Variants in NRG3 observed in about 807,000 individuals in gnomAD.
NRG3 encodes pro-neuregulin-3, membrane-bound isoform.
In NRG3, 31 loss-of-function variants were observed where a neutral mutation model predicts 66.9. The observed-to-expected ratio is 0.46, with a 90% CI of 0.35 to 0.63. NRG3 has a LOEUF of 0.63. Among genes scored for constraint, NRG3 ranks in the 20% least tolerant of loss-of-function variants. The pLI, the probability that NRG3 is intolerant of heterozygous loss-of-function variation, is 0.00. For synonymous variants in NRG3, 393 were observed against 359.4 expected, an observed-to-expected ratio of 1.09 and a Z score of -1.06; for missense variants, 910 against 878.9, an observed-to-expected ratio of 1.04 and a Z score of -0.45.
At chr10:82,221,565 G>C (rs1346190470) in intron 1 of NRG3, among the ~76,000 whole-genome samples, 1 of 152,064 alleles carries the variant, frequency 6.6e-6, no homozygotes, top group Non-Finnish European at 1.5e-5. Context: ...TCCACATAAT[G>C]CTCATCAAAG....
At chr10:82,186,414 C>T (rs1199676019) in intron 1 of NRG3, among the ~76,000 whole-genome samples, 1 of 152,160 alleles carries the variant, frequency 6.6e-6, no homozygotes, top group Non-Finnish European at 1.5e-5. Flanking sequence ...GAGCAAGCTG[C>T]CCTTACAGGC....
intron 2 of NRG3, among the ~76,000 whole-genome samples, chr10:82,645,111 T>C (rs1205580034): frequency 1.3e-5 from 2 of 152,176 alleles, no homozygotes; most frequent in African/African-American, 4.8e-5. Context: ...TCTTTTTTCT[T>C]CTAAACATCT....
chr10:82,364,149 T>A (rs1033396378), intron 2 of NRG3, among the ~76,000 whole-genome samples: 1 of 152,176 alleles, frequency 6.6e-6, no homozygotes, highest in Non-Finnish European at 1.5e-5. Context: ...TTAAGAAATA[T>A]AGATAGTGTC....
At chr10:82,222,774 C>T (rs1249618921) in intron 1 of NRG3, among the ~76,000 whole-genome samples, 1 of 152,150 alleles carries the variant, frequency 6.6e-6, no homozygotes, top group East Asian at 1.9e-4. Flanking sequence ...TTAAGTTGGT[C>T]TTCCAAATTG....
intron 4 of NRG3, among the ~76,000 whole-genome samples, 168 bp downstream of exon 4, chr10:82,865,605 A>C (rs946811176): frequency 6.6e-6 from 1 of 152,196 alleles, no homozygotes; most frequent in Non-Finnish European, 1.5e-5. Flanking sequence ...GCTCAAAATG[A>C]AATAATTAAC....
chr10:82,294,111 CAAAAAG>C (rs1214995009), intron 1 of NRG3, among the ~76,000 whole-genome samples: 1 of 152,048 alleles, frequency 6.6e-6, no homozygotes, highest in Non-Finnish European at 1.5e-5. Context: ...GGGATTTACT[CAAAAAG>C]AGAAAGAGCA....
intron 2 of NRG3, among the ~76,000 whole-genome samples, chr10:82,562,514 CTG>C (rs933055343): frequency 6.6e-6 from 1 of 152,120 alleles, no homozygotes; most frequent in African/African-American, 2.4e-5. Context: ...AGACAAAAAA[CTG>C]AGAAAGTTTG....
At chr10:82,427,747 T>A (rs1269034152) in intron 2 of NRG3, among the ~76,000 whole-genome samples, 1 of 152,148 alleles carries the variant, frequency 6.6e-6, no homozygotes, top group Non-Finnish European at 1.5e-5. Context: ...TGATTCTTCC[T>A]CTTCCTTTAT....
intron 1 of NRG3, among the ~76,000 whole-genome samples, chr10:82,347,515 G>A (rs1166008291): frequency 6.6e-6 from 1 of 151,006 alleles, no homozygotes; most frequent in African/African-American, 2.4e-5. Context: ...AATAGGTGTG[G>A]TGTGGTGCTG....
At chr10:82,571,532 T>C (rs1565082932) in intron 2 of NRG3, among the ~76,000 whole-genome samples, 1 of 151,670 alleles carries the variant, frequency 6.6e-6, no homozygotes, top group Non-Finnish European at 1.5e-5. Context: ...TTATCAGCCA[T>C]ACTACTGTTG....
At chr10:82,699,574 G>A (rs1312418551) in intron 2 of NRG3, among the ~76,000 whole-genome samples, 1 of 151,680 alleles carries the variant, frequency 6.6e-6, no homozygotes, top group Non-Finnish European at 1.5e-5. Flanking sequence ...ACTTGAAAAT[G>A]TGCCCTTTAT....
At chr10:81,893,135 A>T (rs529770625) in intron 1 of NRG3, among the ~76,000 whole-genome samples, 1 of 152,212 alleles carries the variant, frequency 6.6e-6, no homozygotes, top group East Asian at 1.9e-4. Flanking sequence ...GTAAAAGTCA[A>T]GTGTAGTTCT....
intron 2 of NRG3, among the ~76,000 whole-genome samples, chr10:82,507,876 A>T (rs1228327349): frequency 1.3e-5 from 2 of 152,232 alleles, no homozygotes; most frequent in African/African-American, 4.8e-5. Context: ...GCAGACAGAA[A>T]AAATAAAATA....
At chr10:82,518,128 A>T (rs1373938938) in intron 2 of NRG3, among the ~76,000 whole-genome samples, 1 of 152,170 alleles carries the variant, frequency 6.6e-6, no homozygotes, top group Non-Finnish European at 1.5e-5. Flanking sequence ...TAGCCTGTAA[A>T]ATCAGTGGAG....
At chr10:82,177,554 T>C (rs1392631995) in intron 1 of NRG3, among the ~76,000 whole-genome samples, 2 of 152,264 alleles carry the variant, frequency 1.3e-5, no homozygotes, top group Admixed American at 6.5e-5. Flanking sequence ...CTAAAAACTT[T>C]CAAGCCTAGA....
At chr10:81,998,446 C>A (rs1327546140) in intron 1 of NRG3, among the ~76,000 whole-genome samples, 1 of 152,130 alleles carries the variant, frequency 6.6e-6, no homozygotes, top group African/African-American at 2.4e-5. Context: ...GTCTTCATGT[C>A]CTCAATTCTC....
chr10:82,421,825 CT>C (rs5786551), intron 2 of NRG3, among the ~76,000 whole-genome samples: 33,916 of 151,716 alleles, frequency 0.22, 5,722 homozygotes, highest in African/African-American at 0.47. Flanking sequence ...AAAAGGACCC[CT>C]TTCTCTCTTT....
Position 82,793,465 on chromosome 10 carries a change from C to T in NRG3, c.1027+54815C>T, listed in dbSNP as rs572804131. 3.4e-4 allele frequency among the ~76,000 whole-genome samples: 52 copies of T among 152,238 alleles called. 1 individual carries two copies. In the South Asian group the frequency reaches 0.011, roughly 31 times the overall value. ...AGTCTCTGGCTGTCATCTCCCTAGGCCTGCAGCTACCAGGAACTAGAAATC... is the reference window on the plus strand; with the variant it reads ...AGTCTCTGGCTGTCATCTCCCTAGGTCTGCAGCTACCAGGAACTAGAAATC... On this transcript the variant is annotated intron_variant, in intron 3 of 8. Coordinates refer to ENST00000372141, the MANE Select transcript of NRG3 (RefSeq NM_001010848.4).
At chr10:82,127,003 A>G (rs917139793) in intron 1 of NRG3, among the ~76,000 whole-genome samples, 1 of 152,206 alleles carries the variant, frequency 6.6e-6, no homozygotes, top group East Asian at 1.9e-4. Context: ...TGGCATTCTC[A>G]TGACTATGGT....
Sources: allele counts gnomAD v4.1 joint callset (sites outside exome capture counted in the v4.1 genomes callset), GRCh38; gene constraint gnomAD v4.1.1; transcripts MANE v1.5; gene names NCBI Gene and HGNC (gene_info 2026-07-23, HGNC 2026-07-21).